The following IDI2 variants were observed in gnomAD, a reference collection of about 807,000 sequenced individuals.
The protein encoded by IDI2 is isopentenyl-diphosphate delta isomerase 2, also known as isopentenyl-diphosphate delta-isomerase 2.
In IDI2, 18 loss-of-function variants were observed where a neutral mutation model predicts 14.8. The observed-to-expected ratio is 1.22, with a 90% CI of 0.84 to 1.80. The LOEUF (loss-of-function observed/expected upper bound fraction) is 1.80, where lower values mean the gene tolerates loss of function less well. Ranked by LOEUF, IDI2 falls within the 40% of genes most tolerant of loss-of-function variation. IDI2 has a pLI of 0.00. For synonymous variants in IDI2, 133 were observed against 109.6 expected, an observed-to-expected ratio of 1.21 and a Z score of -1.33; for missense variants, 316 against 283.2, an observed-to-expected ratio of 1.12 and a Z score of -0.83.
At chr10:1,024,482 C>T in intron 2 of IDI2, 100 bp downstream of exon 2, 1 of 1,370,956 alleles carries the variant, frequency 7.3e-7, no homozygotes, top group East Asian at 2.3e-5. Flanking sequence ...CAGTGGTCGC[C>T]TCCTAGCCGG....
chr10:1,021,561 A>G (rs1832100956), intron 3 of IDI2, among the ~76,000 whole-genome samples: 1 of 152,190 alleles, frequency 6.6e-6, no homozygotes, highest in African/African-American at 2.4e-5. Flanking sequence ...CAAGTACAAG[A>G]GCTGGTACTC....
intron 2 of IDI2, 50 bp from the exon 3 acceptor site, chr10:1,022,825 A>G (rs758829162): frequency 2.2e-6 from 3 of 1,373,026 alleles, no homozygotes; most frequent in Non-Finnish European, 3.1e-6. Context: ...AGTCTGTACG[A>G]TTGTCCTTCG....
chr10:1,024,147 C>T (rs542038707), intron 2 of IDI2, among the ~76,000 whole-genome samples: 12 of 152,216 alleles, frequency 7.9e-5, no homozygotes, highest in African/African-American at 2.9e-4. Flanking sequence ...AGGCTGGGGC[C>T]TATGGATTAA....
chr10:1,025,052 A>ACACACACACACACAC (rs71376881), intron 1 of IDI2, among the ~76,000 whole-genome samples: 1 of 143,378 alleles, frequency 7.0e-6, no homozygotes, highest in African/African-American at 2.6e-5. Flanking sequence ...ACACACACAC[A>ACACACACACACACAC]AAACACACCG....
intron 4 of IDI2, 176 bp from the exon 5 acceptor site, chr10:1,020,010 A>G: frequency 1.6e-6 from 1 of 609,570 alleles, no homozygotes; most frequent in Non-Finnish European, 2.9e-6. Flanking sequence ...TCAAGTCTGA[A>G]TGATAAACCG....
intron 3 of IDI2, 80 bp downstream of exon 3, chr10:1,022,603 G>C: frequency 9.1e-7 from 1 of 1,094,550 alleles, no homozygotes; most frequent in Non-Finnish European, 1.4e-6. Flanking sequence ...CTGAGCACCA[G>C]AGAGTTCCTG....
Position 1,019,542 on chromosome 10 carries a change from T to C in IDI2, c.659A>G (p.Glu220Gly). 1.9e-6 allele frequency: 3 copies of C among 1,613,176 alleles called. No individual in the cohort carries two copies. Among genetic ancestry groups the C allele is most frequent in the Non-Finnish European group, 2.5e-6 (3 of 1,179,368 alleles). ...TCACACTCTGTGTATTTTGTGAAGC[T>C]CCACAAACGGGGTCACGTCATCCAG... ...PHLDDVTPFV[E>G]LHKIHRV The change falls in exon 5 of 5, where the codon GAG becomes GGG. Residue 220 changes from glutamate to glycine, a missense_variant. Coordinates refer to ENST00000277517, the MANE Select transcript of IDI2 (RefSeq NM_033261.3).
rs763812605 is a variant in IDI2 at position 1,020,863 on chromosome 10, T to A, written c.270A>T (p.Leu90Phe). ...YFTDSCSSHP[L>F]YNPAELEEKD... Reference sequence around the variant, plus strand: ...TTTCTTCCAGTTCTGCTGGGTTGTATAATGGGTGGCTACTACAGGAGTCGG... The same window carrying A: ...TTTCTTCCAGTTCTGCTGGGTTGTAAAATGGGTGGCTACTACAGGAGTCGG... The change falls in exon 4 of 5, where the codon TTA becomes TTT. Residue 90 changes from leucine to phenylalanine, a missense_variant. Transcript: ENST00000277517. 6.2e-7 allele frequency: 1 copy of A among 1,613,982 alleles called. No homozygotes were observed. The highest frequency in any genetic ancestry group is 1.1e-5 in the South Asian group (1 of 91,022).
chr10:1,023,368 C>T (rs1051698586), intron 2 of IDI2, among the ~76,000 whole-genome samples: 12 of 151,154 alleles, frequency 7.9e-5, no homozygotes, highest in African/African-American at 2.7e-4. Flanking sequence ...CCAAGCTACT[C>T]GGGAGGCTGA....
chr10:1,023,144 G>A (rs1832142701), intron 2 of IDI2, among the ~76,000 whole-genome samples: 1 of 152,104 alleles, frequency 6.6e-6, no homozygotes, highest in South Asian at 2.1e-4. Flanking sequence ...AAACATGAGG[G>A]TTAGATACAC....
At chr10:1,022,623 C>T (rs1416952419) in intron 3 of IDI2, 60 bp downstream of exon 3, 5 of 1,278,850 alleles carry the variant, frequency 3.9e-6, no homozygotes, top group South Asian at 3.6e-5. Flanking sequence ...GTCCCAGATT[C>T]CTCCGGTCAA....
intron 1 of IDI2, 64 bp from the exon 2 acceptor site, chr10:1,024,808 T>C: frequency 6.6e-7 from 1 of 1,516,058 alleles, no homozygotes; most frequent in East Asian, 2.3e-5. Context: ...TTTTGCTATG[T>C]GTTACCAACC....
At chr10:1,025,054 A>AC (rs1832191537) in intron 1 of IDI2, among the ~76,000 whole-genome samples, 1 of 148,108 alleles carries the variant, frequency 6.8e-6, no homozygotes, top group African/African-American at 2.5e-5. Context: ...ACACACACAA[A>AC]ACACACCGAG....
intron 4 of IDI2, among the ~76,000 whole-genome samples, chr10:1,020,270 T>G (rs1832069134): frequency 1.3e-5 from 2 of 151,796 alleles, no homozygotes; most frequent in South Asian, 4.2e-4. Context: ...GTCGCCAGGC[T>G]GGAGTGCAGT....
chr10:1,020,874 T>C lies in IDI2; in HGVS notation c.259A>G (p.Ser87Gly), dbSNP rs1374482899. The change falls in exon 4 of 5, where the codon AGC (serine) becomes GGC (glycine). Residue 87 changes from serine to glycine, a missense_variant. By Grantham distance (56) the Ser-to-Gly change is moderately conservative (BLOSUM62 0). Transcript: ENST00000277517. Reference protein sequence around the residue: ...FPGYFTDSCSSHPLYNPAELE... With the variant: ...FPGYFTDSCSGHPLYNPAELE... ...TCTGCTGGGTTGTATAATGGGTGGC[T>C]ACTACAGGAGTCGGTAAAATACCCT... 2 of 1,613,870 alleles carry C rather than the reference T, an allele frequency of 1.2e-6. No individual in the cohort carries two copies. Among genetic ancestry groups the C allele is most frequent in the South Asian group, 1.1e-5 (1 of 91,000 alleles).
At chr10:1,020,016 A>G in intron 4 of IDI2, 182 bp from the exon 5 acceptor site, 1 of 605,880 alleles carries the variant, frequency 1.7e-6, no homozygotes, top group East Asian at 2.8e-5. Context: ...CTGAATGATA[A>G]ACCGGCTTTG....
chr10:1,019,922 T>A (rs1832061985), intron 4 of IDI2, 88 bp from the exon 5 acceptor site: 1 of 1,035,360 alleles, frequency 9.7e-7, no homozygotes, highest in African/African-American at 1.6e-5. Context: ...ACATTTGTTT[T>A]CCTCAGAAAA....
chr10:1,024,346 C>T (rs190412657), intron 2 of IDI2, among the ~76,000 whole-genome samples: 2 of 152,144 alleles, frequency 1.3e-5, no homozygotes, highest in African/African-American at 4.8e-5. Context: ...CAGGATCTTA[C>T]GAGGAAGAGC....
At position 1,025,859 on chromosome 10, in the gene IDI2, C is replaced by T. The variant is rs541295456; in HGVS notation, c.-65G>A. On this transcript the variant is annotated 5_prime_UTR_variant, in exon 1 of 5. Transcript: ENST00000277517. ...ACTCCTGGGTATCAGATGTGGAACT[C>T]AATGTGCAAGTTGAACCAGGGCCCT... 1 of 152,286 alleles carries T rather than the reference C, an allele frequency of 6.6e-6. No homozygotes were observed. The highest frequency in any genetic ancestry group is 6.5e-5 in the Admixed American group (1 of 15,296). The allele number at this position is 152,286 out of a possible 1,614,324, so 9.4% of individuals were successfully genotyped here.
Sources: gnomAD v4.1 joint callset for allele counts (sites outside exome capture counted in the v4.1 genomes callset) on GRCh38, gnomAD v4.1.1 for gene constraint, MANE v1.5 for transcripts, NCBI Gene and HGNC (gene_info 2026-07-23, HGNC 2026-07-21) for gene names.